AGBL4: variants seen among roughly 807,000 people sequenced by gnomAD.
AGBL4 encodes the protein AGBL carboxypeptidase 4, also known as cytosolic carboxypeptidase 6.
A neutral mutation model predicts 66.4 loss-of-function variants in AGBL4; 58 were observed. The ratio of observed to expected loss-of-function variants is 0.87; its 90% CI spans 0.71 to 1.09. AGBL4 has a LOEUF of 1.09. Ranked by LOEUF, AGBL4 falls within the 50% of genes least tolerant of loss-of-function variation. The pLI, the probability that AGBL4 is intolerant of heterozygous loss-of-function variation, is 0.00. For missense variants in AGBL4, 579 were observed against 631.0 expected, an observed-to-expected ratio of 0.92 and a Z score of 0.88; for synonymous variants, 234 against 222.9, an observed-to-expected ratio of 1.05 and a Z score of -0.44.
intron 3 of AGBL4, among the ~76,000 whole-genome samples, chr1:49,426,168 G>C (rs142481699): frequency 1.1e-4 from 17 of 152,202 alleles, no homozygotes; most frequent in Non-Finnish European, 2.2e-4. Context: ...AATACAATGC[G>C]TGGGATTCTC....
At chr1:48,758,952 G>T in intron 6 of AGBL4, 1 of 1,598,424 alleles carries the variant, frequency 6.3e-7, no homozygotes. Flanking sequence ...TAAGGTCACG[G>T]AGCTCCTTCA....
chr1:49,029,753 C>G (rs920612101), intron 5 of AGBL4, among the ~76,000 whole-genome samples: 2 of 152,130 alleles, frequency 1.3e-5, no homozygotes, highest in Non-Finnish European at 2.9e-5. Flanking sequence ...AGTTGGAGAG[C>G]TGACATTTAA....
intron 9 of AGBL4, among the ~76,000 whole-genome samples, chr1:48,614,139 T>C (rs1269776052): frequency 6.6e-6 from 1 of 151,818 alleles, no homozygotes; most frequent in Non-Finnish European, 1.5e-5. Context: ...CAAGGGTGAG[T>C]CAAAGAATTG....
chr1:49,877,424 T>G (rs1459338640), intron 1 of AGBL4, among the ~76,000 whole-genome samples: 1 of 151,910 alleles, frequency 6.6e-6, no homozygotes, highest in African/African-American at 2.4e-5. Flanking sequence ...AATCATGTGG[T>G]TTTTGTCTTT....
At chr1:48,983,250 C>T (rs187585887) in intron 5 of AGBL4, among the ~76,000 whole-genome samples, 72 of 151,998 alleles carry the variant, frequency 4.7e-4, no homozygotes, top group Non-Finnish European at 9.4e-4. Flanking sequence ...GATAAATTGT[C>T]GCAATTATGG....
chr1:49,232,378 A>C (rs1239929072), intron 4 of AGBL4, among the ~76,000 whole-genome samples: 2 of 152,128 alleles, frequency 1.3e-5, no homozygotes. Flanking sequence ...CTTTGGACTC[A>C]AGAAGAATAT....
intron 6 of AGBL4, among the ~76,000 whole-genome samples, chr1:48,690,446 T>C (rs1430616567): frequency 1.3e-5 from 2 of 152,296 alleles, no homozygotes; most frequent in Non-Finnish European, 2.9e-5. Context: ...TTAATCCTAA[T>C]CTGCCATCAG....
intron 4 of AGBL4, among the ~76,000 whole-genome samples, chr1:49,063,004 A>G (rs192528481): frequency 6.6e-6 from 1 of 152,310 alleles, no homozygotes; most frequent in Admixed American, 6.5e-5. Flanking sequence ...TAGGGTTATT[A>G]TGTTAATTAA....
intron 4 of AGBL4, among the ~76,000 whole-genome samples, chr1:49,056,890 G>A (rs1644318450): frequency 6.6e-6 from 1 of 151,770 alleles, no homozygotes; most frequent in Non-Finnish European, 1.5e-5. Flanking sequence ...AATTTTTTTT[G>A]GCTAGATATC....
At chr1:49,206,457 C>G (rs1288098661) in intron 4 of AGBL4, among the ~76,000 whole-genome samples, 1 of 152,090 alleles carries the variant, frequency 6.6e-6, no homozygotes, top group Non-Finnish European at 1.5e-5. Flanking sequence ...GCCTACTTTT[C>G]TTCATTACAT....
intron 6 of AGBL4, among the ~76,000 whole-genome samples, chr1:48,745,802 T>C (rs897368635): frequency 4.6e-5 from 7 of 152,164 alleles, no homozygotes; most frequent in Non-Finnish European, 8.8e-5. Flanking sequence ...CCACTTACTG[T>C]TTAGTTGACT....
At chr1:49,996,406 A>G (rs1030750806) in intron 1 of AGBL4, among the ~76,000 whole-genome samples, 1 of 152,208 alleles carries the variant, frequency 6.6e-6, no homozygotes. Flanking sequence ...ACACACTTAG[A>G]GAAATGCAAA....
intron 3 of AGBL4, among the ~76,000 whole-genome samples, chr1:49,592,774 T>C (rs902595287): frequency 1.3e-5 from 2 of 152,144 alleles, no homozygotes; most frequent in South Asian, 2.1e-4. Flanking sequence ...AGAAAATGCA[T>C]ATATACTATT....
intron 4 of AGBL4, among the ~76,000 whole-genome samples, chr1:49,080,359 G>A (rs1213435602): frequency 2.0e-5 from 3 of 152,150 alleles, no homozygotes; most frequent in Admixed American, 2.0e-4. Context: ...AAGAGAAAAG[G>A]GAAAGAGGGG....
At chr1:48,560,596 T>C (rs960789343) in intron 11 of AGBL4, among the ~76,000 whole-genome samples, 1 of 152,210 alleles carries the variant, frequency 6.6e-6, no homozygotes, top group Non-Finnish European at 1.5e-5. Context: ...TGTGACTTGG[T>C]ACCCAGGGAT....
At chr1:49,182,980 A>G (rs939649934) in intron 4 of AGBL4, among the ~76,000 whole-genome samples, 4 of 152,200 alleles carry the variant, frequency 2.6e-5, no homozygotes, top group South Asian at 2.1e-4. Flanking sequence ...ATAAGTGCTA[A>G]TAAGTGACAA....
intron 5 of AGBL4, among the ~76,000 whole-genome samples, chr1:48,972,949 C>A (rs996065060): frequency 2.0e-5 from 3 of 152,038 alleles, no homozygotes; most frequent in African/African-American, 7.2e-5. Flanking sequence ...GTAGGTATTA[C>A]CAGGCTCATA....
At chr1:48,535,147 G>A (rs1040968834) in intron 12 of AGBL4, among the ~76,000 whole-genome samples, 3 of 152,266 alleles carry the variant, frequency 2.0e-5, no homozygotes, top group Middle Eastern at 3.4e-3. Flanking sequence ...AGAGGCTAGA[G>A]AGGACAGTGA....
At chr1:49,455,083 A>G (rs1449758850) in intron 3 of AGBL4, among the ~76,000 whole-genome samples, 1 of 151,712 alleles carries the variant, frequency 6.6e-6, no homozygotes, top group African/African-American at 2.4e-5. Context: ...TTACAAACAC[A>G]GGCAGCCTGA....
Sources: gnomAD v4.1 joint callset for allele counts (sites outside exome capture counted in the v4.1 genomes callset) on GRCh38, gnomAD v4.1.1 for gene constraint, MANE v1.5 for transcripts, NCBI Gene and HGNC (gene_info 2026-07-23, HGNC 2026-07-21) for gene names.